The following DLG2 variants were observed in gnomAD, a reference collection of about 807,000 sequenced individuals.
DLG2 encodes the protein discs large MAGUK scaffold protein 2.
In DLG2, 45 loss-of-function variants were observed where a neutral mutation model predicts 132.5. That is an observed-to-expected ratio of 0.34 (90% CI 0.27 to 0.44). The LOEUF is 0.44. Among genes scored for constraint, DLG2 ranks in the 20% least tolerant of loss-of-function variants. The pLI is 1.00. For missense variants in DLG2, 1,045 were observed against 1,196.9 expected, an observed-to-expected ratio of 0.87 and a Z score of 1.87; for synonymous variants, 424 against 419.6, an observed-to-expected ratio of 1.01 and a Z score of -0.13.
intron 12 of DLG2, among the ~76,000 whole-genome samples, chr11:83,972,999 T>A (rs1283531325): frequency 6.6e-6 from 1 of 152,130 alleles, no homozygotes; most frequent in Non-Finnish European, 1.5e-5. Context: ...AGAGTGATTG[T>A]TTTGATTTAC....
At chr11:85,017,376 T>G (rs894895331) in intron 6 of DLG2, among the ~76,000 whole-genome samples, 1 of 152,054 alleles carries the variant, frequency 6.6e-6, no homozygotes, top group Non-Finnish European at 1.5e-5. Flanking sequence ...TATTCCTTTC[T>G]TCCTGTAACC....
rs35083224 is a variant in DLG2 at position 85,347,967 on chromosome 11, CTTTTTTTTTTTTTTT to C, written c.41-62617_41-62603del. On this transcript the variant is annotated intron_variant, in intron 3 of 27. Coordinates refer to ENST00000376104, the MANE Select transcript of DLG2 (RefSeq NM_001142699.3). ...TACAGACTCATGCCACCACACTTAA[CTTTTTTTTTTTTTTT>C]TTTTTTTTTTTTTTTTTGAGACAGA... 2.6e-3 allele frequency among the ~76,000 whole-genome samples: 106 copies of C among 40,380 alleles called. 1 individual carries two copies. The highest frequency in any genetic ancestry group is 9.0e-3 in the African/African-American group (88 of 9,748). 26.5% of individuals were successfully genotyped at this position (40,380 alleles called of 152,430 possible).
At chr11:83,699,737 T>A (rs750950802) in intron 18 of DLG2, among the ~76,000 whole-genome samples, 62 of 72,028 alleles carry the variant, frequency 8.6e-4, no homozygotes, top group East Asian at 1.1e-3. Flanking sequence ...AATTTAAAAA[T>A]AATAATAATA....
At chr11:85,148,189 T>C (rs1385833633) in intron 5 of DLG2, among the ~76,000 whole-genome samples, 3 of 152,216 alleles carry the variant, frequency 2.0e-5, no homozygotes, top group Admixed American at 6.5e-5. Flanking sequence ...GTCTTTGCTA[T>C]TGTGAATAGT....
chr11:83,604,163 T>C (rs1224448758), intron 19 of DLG2, among the ~76,000 whole-genome samples: 1 of 152,210 alleles, frequency 6.6e-6, no homozygotes, highest in Non-Finnish European at 1.5e-5. Context: ...GACAGCACTG[T>C]GATGATGAAG....
chr11:84,147,289 C>A (rs2095120318), intron 9 of DLG2, among the ~76,000 whole-genome samples: 1 of 152,050 alleles, frequency 6.6e-6, no homozygotes, highest in Non-Finnish European at 1.5e-5. Context: ...ACTGTGTGAC[C>A]AGGGGTACTA....
At chr11:84,920,042 T>C (rs1049939247) in intron 6 of DLG2, among the ~76,000 whole-genome samples, 2 of 152,202 alleles carry the variant, frequency 1.3e-5, no homozygotes, top group South Asian at 2.1e-4. Context: ...ACACAGGACA[T>C]AAATAATGGA....
chr11:83,860,931 G>T (rs1050484422), intron 16 of DLG2, among the ~76,000 whole-genome samples: 5 of 152,210 alleles, frequency 3.3e-5, no homozygotes, highest in African/African-American at 1.2e-4. Flanking sequence ...CTCTCTCTTT[G>T]CCTGGTGCCA....
chr11:85,219,042 AAT>A (rs2082820321), intron 4 of DLG2, among the ~76,000 whole-genome samples: 1 of 152,140 alleles, frequency 6.6e-6, no homozygotes, highest in East Asian at 1.9e-4. Flanking sequence ...CATTAACATA[AAT>A]ATGAGAACAA....
At chr11:83,980,011 CTCATAAA>C (rs2092640720) in intron 12 of DLG2, among the ~76,000 whole-genome samples, 1 of 152,172 alleles carries the variant, frequency 6.6e-6, no homozygotes, top group South Asian at 2.1e-4. Context: ...AAATCTCTTA[CTCATAAA>C]TCTGCTGTCT....
intron 6 of DLG2, chr11:85,021,291 A>G (rs1437238893): frequency 2.4e-6 from 3 of 1,263,230 alleles, no homozygotes; most frequent in Non-Finnish European, 1.2e-6. Flanking sequence ...TGTACATCCT[A>G]TCATAATAAT....
At chr11:84,400,560 C>A (rs151085609) in intron 7 of DLG2, among the ~76,000 whole-genome samples, 1 of 152,284 alleles carries the variant, frequency 6.6e-6, no homozygotes, top group African/African-American at 2.4e-5. Flanking sequence ...AACAGGAAAA[C>A]CCTCCTTACC....
intron 19 of DLG2, among the ~76,000 whole-genome samples, chr11:83,548,068 A>C (rs1355729265): frequency 6.6e-6 from 1 of 152,156 alleles, no homozygotes; most frequent in Non-Finnish European, 1.5e-5. Flanking sequence ...AATGAGAAGC[A>C]TGTCATTGGA....
intron 7 of DLG2, among the ~76,000 whole-genome samples, chr11:84,465,095 A>C (rs1175519080): frequency 6.6e-6 from 1 of 151,236 alleles, no homozygotes; most frequent in African/African-American, 2.4e-5. Flanking sequence ...TTCAAATAAT[A>C]AACCGTCACA....
At chr11:85,111,225 GA>G (rs2072686609) in intron 6 of DLG2, among the ~76,000 whole-genome samples, 1 of 152,112 alleles carries the variant, frequency 6.6e-6, no homozygotes, top group East Asian at 1.9e-4. Context: ...TGCAAATGCA[GA>G]GACTATTATT....
intron 6 of DLG2, among the ~76,000 whole-genome samples, chr11:85,043,001 G>A (rs942073332): frequency 2.6e-5 from 4 of 151,646 alleles, no homozygotes; most frequent in Non-Finnish European, 4.4e-5. Flanking sequence ...ACCATTTCAG[G>A]CATATAATTT....
At chr11:83,494,287 G>A (rs1225777819) in intron 21 of DLG2, among the ~76,000 whole-genome samples, 1 of 150,676 alleles carries the variant, frequency 6.6e-6, no homozygotes, top group Non-Finnish European at 1.5e-5. Context: ...AAACAGTATT[G>A]AATAGAAGTT....
At chr11:84,817,272 A>G (rs1182842369) in intron 6 of DLG2, among the ~76,000 whole-genome samples, 1 of 151,970 alleles carries the variant, frequency 6.6e-6, no homozygotes, top group Non-Finnish European at 1.5e-5. Context: ...TTCCATTTCA[A>G]TATAAGTGCC....
chr11:84,999,797 A>G (rs2058036629), intron 6 of DLG2, among the ~76,000 whole-genome samples: 1 of 152,086 alleles, frequency 6.6e-6, no homozygotes, highest in South Asian at 2.1e-4. Context: ...TCATGTCTAT[A>G]AAAAGAAAAC....
Sources: allele counts gnomAD v4.1 joint callset (sites outside exome capture counted in the v4.1 genomes callset), GRCh38; gene constraint gnomAD v4.1.1; transcripts MANE v1.5; gene names NCBI Gene and HGNC (gene_info 2026-07-23, HGNC 2026-07-21).